The following IMMP2L variants were observed in gnomAD, a reference collection of about 807,000 sequenced individuals.
The protein encoded by IMMP2L is inner mitochondrial membrane peptidase subunit 2, also known as mitochondrial inner membrane protease subunit 2.
Under a neutral mutation model 19.3 loss-of-function variants are expected in IMMP2L, and 18 were observed. The observed-to-expected ratio is 0.93, with a 90% CI of 0.64 to 1.38. The LOEUF (loss-of-function observed/expected upper bound fraction) is 1.38, where lower values mean the gene tolerates loss of function less well. IMMP2L is among the 40% of genes most tolerant of loss of function. The pLI is 0.00. For missense variants in IMMP2L, 233 were observed against 218.2 expected, an observed-to-expected ratio of 1.07 and a Z score of -0.43; for synonymous variants, 76 against 73.0, an observed-to-expected ratio of 1.04 and a Z score of -0.21.
intron 3 of IMMP2L, among the ~76,000 whole-genome samples, chr7:111,339,816 C>T (rs1489982302): frequency 6.6e-6 from 1 of 151,948 alleles, no homozygotes; most frequent in Non-Finnish European, 1.5e-5. Context: ...TGTAATATAT[C>T]AAAATACCTT....
At chr7:111,023,848 T>C (rs774735562) in intron 3 of IMMP2L, among the ~76,000 whole-genome samples, 1 of 152,232 alleles carries the variant, frequency 6.6e-6, no homozygotes, top group Non-Finnish European at 1.5e-5. Flanking sequence ...TGCATTGCTA[T>C]GGATGAGGAG....
intron 3 of IMMP2L, among the ~76,000 whole-genome samples, chr7:111,332,375 T>TA (rs1825965512): frequency 6.6e-6 from 1 of 151,900 alleles, no homozygotes; most frequent in Admixed American, 6.6e-5. Flanking sequence ...GCACTTAACC[T>TA]ACCAACTGAA....
Position 111,349,672 on chromosome 7 carries a change from A to C in IMMP2L, c.239+137566T>G, listed in dbSNP as rs1827941602. ...TGGTACCAGCAAGGGGAGTAGAATG[A>C]AGTCCCTGCTTTAAAGAGAGACAAG... On this transcript the variant is annotated intron_variant, in intron 3 of 5. Coordinates refer to ENST00000405709, the MANE Select transcript of IMMP2L (RefSeq NM_032549.4). Among the ~76,000 whole-genome samples, 5 of 152,146 alleles carry C rather than the reference A, an allele frequency of 3.3e-5. No homozygotes were observed. The South Asian group carries it at 1.0e-3, about 32-fold the overall frequency.
intron 3 of IMMP2L, among the ~76,000 whole-genome samples, chr7:111,117,963 G>C (rs1178164182): frequency 6.6e-6 from 1 of 152,058 alleles, no homozygotes; most frequent in Non-Finnish European, 1.5e-5. Context: ...TCATCTAAAA[G>C]ACAGTGGATT....
At chr7:110,881,700 C>T (rs779006671) in intron 5 of IMMP2L, among the ~76,000 whole-genome samples, 4 of 152,070 alleles carry the variant, frequency 2.6e-5, no homozygotes, top group Non-Finnish European at 5.9e-5. Context: ...GAAAATGCTA[C>T]AATTCGACAA....
At chr7:111,100,010 G>A (rs1260083740) in intron 3 of IMMP2L, 1 of 151,634 alleles carries the variant, frequency 6.6e-6, no homozygotes, top group East Asian at 1.9e-4. Flanking sequence ...TTCCATGAGG[G>A]AACTGAGGCT....
chr7:111,070,196 G>C (rs1410404853), intron 3 of IMMP2L, among the ~76,000 whole-genome samples: 1 of 152,168 alleles, frequency 6.6e-6, no homozygotes, highest in African/African-American at 2.4e-5. Context: ...TGAAAAGAAA[G>C]TTATAAATTC....
At chr7:110,838,317 T>C (rs192450461) in intron 5 of IMMP2L, among the ~76,000 whole-genome samples, 10 of 152,288 alleles carry the variant, frequency 6.6e-5, no homozygotes, top group Admixed American at 3.9e-4. Flanking sequence ...ATATTGTATT[T>C]ATGCATCTTC....
chr7:110,663,704 C>A lies in IMMP2L; in HGVS notation c.426G>T (p.Leu142=). Residue 142 remains leucine, a synonymous_variant, in exon 6 of 6, where the codon CTG becomes CTT. Transcript: ENST00000405709. ...NSFGPVSLGL[L]HAHATHILWP... ...ACAGGATATGTGTGGCATGGGCATGCAGAAGTCCTAGGGAAACCTTAATTC... is the reference window on the plus strand; with the variant it reads ...ACAGGATATGTGTGGCATGGGCATGAAGAAGTCCTAGGGAAACCTTAATTC... 6.3e-7 allele frequency: 1 copy of A among 1,596,920 alleles called. No individual in the cohort carries two copies. Among genetic ancestry groups the A allele is most frequent in the Non-Finnish European group, 8.5e-7 (1 of 1,172,738 alleles).
At chr7:110,918,876 A>G (rs1033436574) in intron 4 of IMMP2L, among the ~76,000 whole-genome samples, 1 of 152,214 alleles carries the variant, frequency 6.6e-6, no homozygotes, top group African/African-American at 2.4e-5. Context: ...ATAGTGACTC[A>G]GTTTTTCATT....
rs959660782 is a variant in IMMP2L, at chr7:111,509,260, A to G, written c.135+12053T>C. Among the ~76,000 whole-genome samples, 17 of 152,168 alleles carry G rather than the reference A, an allele frequency of 1.1e-4. 1 individual carries two copies. Among genetic ancestry groups the G allele is most frequent in the Admixed American group, 3.3e-4 (5 of 15,270 alleles). ...CATAGGTCTGAAATGGGGCTCATTA[A>G]TCTTCATTAATAAGTACCCCAGATT... On this transcript the variant is annotated intron_variant, in intron 2 of 5. Coordinates refer to ENST00000405709, the MANE Select transcript of IMMP2L (RefSeq NM_032549.4).
At chr7:111,539,216 A>AGGAAGG (rs1449664288) in intron 1 of IMMP2L, among the ~76,000 whole-genome samples, 7 of 100,918 alleles carry the variant, frequency 6.9e-5, no homozygotes, top group South Asian at 3.5e-4. Flanking sequence ...GAAAGAAAGA[A>AGGAAGG]AGAAAGAAAG....
intron 5 of IMMP2L, among the ~76,000 whole-genome samples, chr7:110,741,759 A>G (rs1175789968): frequency 6.6e-6 from 1 of 152,242 alleles, no homozygotes; most frequent in Non-Finnish European, 1.5e-5. Context: ...TTTTATAGAA[A>G]TTACAAAATA....
chr7:111,228,445 G>GA (rs951752823), intron 3 of IMMP2L, among the ~76,000 whole-genome samples: 2 of 151,056 alleles, frequency 1.3e-5, no homozygotes, highest in African/African-American at 4.9e-5. Flanking sequence ...GTCAAATCTG[G>GA]AAATACCTCC....
rs1792173382 is a variant in IMMP2L at position 111,562,245 on chromosome 7, AAC to A, written c.-399_-398del. The stretch of plus-strand genomic sequence containing the variant: ...GTGGCCGCCGCACGCGCCTCAGATA[AAC>A]ACGCGCACGCACACATGCTCGCGAT... On this transcript the variant is annotated 5_prime_UTR_variant, in exon 1 of 6. An upstream open reading frame in the 5' UTR gains an earlier in-frame stop. Coordinates refer to ENST00000405709, the MANE Select transcript of IMMP2L (RefSeq NM_032549.4). The A allele has an allele frequency of 6.6e-6, 1 of 152,006 alleles. No homozygotes were observed. Among genetic ancestry groups the A allele is most frequent in the African/African-American group, 2.4e-5 (1 of 41,398 alleles). 9.4% of individuals were successfully genotyped at this position (152,006 alleles called of 1,614,324 possible).
chr7:110,740,919 G>A (rs1266596322), intron 5 of IMMP2L, among the ~76,000 whole-genome samples: 1 of 132,420 alleles, frequency 7.6e-6, no homozygotes, highest in African/African-American at 2.5e-5. Flanking sequence ...AAAAGTTACT[G>A]TATATTAAAA....
At chr7:111,302,973 A>T (rs1822429173) in intron 3 of IMMP2L, among the ~76,000 whole-genome samples, 1 of 152,142 alleles carries the variant, frequency 6.6e-6, no homozygotes, top group South Asian at 2.1e-4. Flanking sequence ...AAATAACTGT[A>T]TCCTACTAGC....
chr7:110,759,535 T>C (rs575136550), intron 5 of IMMP2L, among the ~76,000 whole-genome samples: 5 of 152,134 alleles, frequency 3.3e-5, no homozygotes, highest in Admixed American at 1.3e-4. Context: ...ATATTCTTAT[T>C]AATTCTAAGT....
At chr7:111,124,496 T>A in intron 3 of IMMP2L, 1 of 1,613,946 alleles carries the variant, frequency 6.2e-7, no homozygotes, top group Non-Finnish European at 8.5e-7. Context: ...CCATCTGATG[T>A]CAAGGTATAT....
Sources: allele counts gnomAD v4.1 joint callset (sites outside exome capture counted in the v4.1 genomes callset), GRCh38; gene constraint gnomAD v4.1.1; transcripts MANE v1.5; gene names NCBI Gene and HGNC (gene_info 2026-07-23, HGNC 2026-07-21).